TG: variants seen among roughly 807,000 people sequenced by gnomAD.
TG encodes thyroid hormones.
In TG, 270 loss-of-function variants were observed where a neutral mutation model predicts 324.7. The ratio of observed to expected loss-of-function variants is 0.83; its 90% CI spans 0.75 to 0.92. The LOEUF (loss-of-function observed/expected upper bound fraction) is 0.92, where lower values mean the gene tolerates loss of function less well. Among genes scored for constraint, TG ranks in the 40% least tolerant of loss-of-function variants. The pLI is 0.00. For synonymous variants in TG, 1,401 were observed against 1,327.0 expected (o/e 1.06, Z -1.21); for missense variants, 3,591 against 3,456.4 (o/e 1.04, Z -0.98).
At chr8:133,100,602 A>AT (rs1849089204) in intron 43 of TG, among the ~76,000 whole-genome samples, 1 of 152,098 alleles carries the variant, frequency 6.6e-6, no homozygotes, top group Non-Finnish European at 1.5e-5. Context: ...TATTATTACT[A>AT]TTTTTCAGAG....
intron 35 of TG, chr8:133,002,114 G>C (rs1451132184): frequency 1.0e-6 from 1 of 985,298 alleles, no homozygotes; most frequent in Admixed American, 6.1e-5. Context: ...TCAGGCATTT[G>C]CTGCCGGTTT....
At chr8:132,906,601 G>A in intron 16 of TG, 87 bp from the exon 17 acceptor site, 1 of 1,492,738 alleles carries the variant, frequency 6.7e-7, no homozygotes, top group East Asian at 2.3e-5. Flanking sequence ...CCCAGTGTGA[G>A]TGAGAAGGAG....
intron 22 of TG, among the ~76,000 whole-genome samples, chr8:132,927,189 A>G (rs774465795): frequency 6.6e-6 from 1 of 152,132 alleles, no homozygotes; most frequent in Admixed American, 6.5e-5. Context: ...TTGTGCCATC[A>G]TAATGTTATC....
At chr8:132,992,044 A>C (rs992756362) in intron 35 of TG, among the ~76,000 whole-genome samples, 1 of 152,098 alleles carries the variant, frequency 6.6e-6, no homozygotes, top group Non-Finnish European at 1.5e-5. Flanking sequence ...TAGCCAATGG[A>C]GAAGTGCTGG....
chr8:132,905,568 C>A (rs1018036226), intron 16 of TG, among the ~76,000 whole-genome samples: 1 of 152,134 alleles, frequency 6.6e-6, no homozygotes, highest in African/African-American at 2.4e-5. Context: ...GAAATTGTCA[C>A]GATGAGTGTG....
In TG at chr8:132,947,839, C is replaced by T. The variant is rs560151050; in HGVS notation, c.5234-937C>T. Among the ~76,000 whole-genome samples, 3 of 152,302 alleles carry T rather than the reference C, an allele frequency of 2.0e-5. No homozygotes were observed. The East Asian group carries it at 5.8e-4, about 29-fold the overall frequency. On this transcript the variant is annotated intron_variant, in intron 26 of 47. Coordinates refer to ENST00000220616, the MANE Select transcript of TG (RefSeq NM_003235.5). The stretch of plus-strand genomic sequence containing the variant: ...AATTAATATACTTAAAGACTTACCA[C>T]AGTGGCTGGCACATAGCAGATATAA...
chr8:132,922,999 C>T (rs146024520), intron 21 of TG, among the ~76,000 whole-genome samples: 178 of 152,188 alleles, frequency 1.2e-3, no homozygotes, highest in African/African-American at 3.3e-3. Context: ...GGAGAGTTCG[C>T]GCAGCAAAGA....
intron 35 of TG, among the ~76,000 whole-genome samples, chr8:133,001,339 G>A (rs552509643): frequency 3.5e-4 from 54 of 152,220 alleles, no homozygotes; most frequent in Non-Finnish European, 7.1e-4. Context: ...GTATTTGGAG[G>A]CTGAATGGAG....
At position 132,882,825 on chromosome 8, in the gene TG, T is replaced by C; in HGVS notation, c.901T>C (p.Cys301Arg). Reference sequence around the variant, plus strand: ...TGGATTTCCTCTAGGCCCCACAAAATGTGAAGTGGAGCGGTTTACAGCAAC... The same window carrying C: ...TGGATTTCCTCTAGGCCCCACAAAACGTGAAGTGGAGCGGTTTACAGCAAC... ...ISGRFRCPTK[C>R]EVERFTATSF... The change falls in exon 8 of 48, where the codon TGT (cysteine) becomes CGT (arginine). Residue 301 changes from cysteine (C) to arginine (R), a missense_variant. Physicochemically the swap from Cys to Arg is radical, Grantham distance 180. Coordinates refer to ENST00000220616, the MANE Select transcript of TG (RefSeq NM_003235.5). 2.5e-6 allele frequency: 4 copies of C among 1,614,202 alleles called. No individual in the cohort carries two copies. Among genetic ancestry groups the C allele is most frequent in the Non-Finnish European group, 2.5e-6 (3 of 1,180,034 alleles).
intron 46 of TG, among the ~76,000 whole-genome samples, chr8:133,132,745 T>C (rs542185771): frequency 6.6e-6 from 1 of 152,302 alleles, no homozygotes; most frequent in South Asian, 2.1e-4. Context: ...TTATGCAGTT[T>C]GTTATGGGAG....
intron 41 of TG, chr8:133,073,215 T>G (rs1452188168): frequency 1.3e-5 from 2 of 152,258 alleles, no homozygotes; most frequent in East Asian, 3.8e-4. Flanking sequence ...ACAATCTTTC[T>G]ATGTTGCCAT....
rs181662554 is a variant in TG at position 133,058,526 on chromosome 8, G to A, written c.7239+28503G>A. On this transcript the variant is annotated intron_variant, in intron 41 of 47. Transcript: ENST00000220616. ...CTGCCCCCTCTGCCCCAGGCTGAGA[G>A]GTGACGACCCAAGATGGGTTCGGTG... 5.6e-4 allele frequency among the ~76,000 whole-genome samples: 85 copies of A among 152,362 alleles called. 1 individual carries two copies. In the East Asian group the frequency reaches 0.012, roughly 22 times the overall value.
At chr8:132,998,262 G>C (rs189424523) in intron 35 of TG, among the ~76,000 whole-genome samples, 1 of 152,358 alleles carries the variant, frequency 6.6e-6, no homozygotes, top group East Asian at 1.9e-4. Flanking sequence ...TGGGAGGCCA[G>C]AGGTCAGGCA....
chr8:132,936,035 G>T (rs765243999), intron 25 of TG, among the ~76,000 whole-genome samples, 171 bp downstream of exon 25: 2 of 152,172 alleles, frequency 1.3e-5, no homozygotes. Context: ...AGCACAGCAC[G>T]CTCCTCAGGC....
intron 35 of TG, among the ~76,000 whole-genome samples, chr8:133,003,531 A>G (rs1443549484): frequency 2.0e-5 from 3 of 152,220 alleles, no homozygotes; most frequent in African/African-American, 7.2e-5. Flanking sequence ...ACTCCTCTGC[A>G]TCATATACAT....
chr8:133,039,401 T>C (rs1009694162), intron 41 of TG, among the ~76,000 whole-genome samples: 4 of 152,240 alleles, frequency 2.6e-5, no homozygotes, highest in African/African-American at 9.6e-5. Context: ...AGAGCAGTTT[T>C]CTTCATGTCT....
At chr8:132,989,935 G>T (rs1832097449) in intron 35 of TG, among the ~76,000 whole-genome samples, 1 of 152,064 alleles carries the variant, frequency 6.6e-6, no homozygotes, top group Admixed American at 6.5e-5. Flanking sequence ...GCTTGCCCCA[G>T]TAAAGTGAGA....
chr8:132,989,530 C>T lies in TG; in HGVS notation c.6262+6118C>T, dbSNP rs1223857643. On this transcript the variant is annotated intron_variant, in intron 35 of 47. Transcript: ENST00000220616. ...AGATGTCTCGTTACAGTTTGTCCTG[C>T]TCAGCTTTCCAGCACCTCTCTCCTG... 3.3e-5 allele frequency among the ~76,000 whole-genome samples: 5 copies of T among 152,308 alleles called. No individual in the cohort carries two copies. In the South Asian group the frequency reaches 6.2e-4, roughly 19 times the overall value.
chr8:132,981,666 C>T (rs1471270597), intron 34 of TG, among the ~76,000 whole-genome samples: 1 of 152,228 alleles, frequency 6.6e-6, no homozygotes, highest in Non-Finnish European at 1.5e-5. Context: ...CGCTGGGGAA[C>T]TTGCTTGAAA....
Sources: allele counts gnomAD v4.1 joint callset (sites outside exome capture counted in the v4.1 genomes callset), GRCh38; gene constraint gnomAD v4.1.1; transcripts MANE v1.5; gene names NCBI Gene and HGNC (gene_info 2026-07-23, HGNC 2026-07-21).